Variants in NCOA2 observed in about 807,000 individuals in gnomAD.
NCOA2 encodes the protein nuclear receptor coactivator 2.
Under a neutral mutation model 145.1 loss-of-function variants are expected in NCOA2, and 21 were observed. The observed-to-expected ratio is 0.14, with a 90% CI of 0.10 to 0.21. NCOA2 has a LOEUF of 0.21. Among genes scored for constraint, NCOA2 ranks in the 10% least tolerant of loss-of-function variants. The probability of loss-of-function intolerance (pLI) is 1.00; values close to 1 mark genes in which losing one functional copy is unlikely to be tolerated. For synonymous variants in NCOA2, 619 were observed against 637.5 expected, an observed-to-expected ratio of 0.97 and a Z score of 0.44; for missense variants, 1,472 against 1,837.6, an observed-to-expected ratio of 0.80 and a Z score of 3.64.
At chr8:70,402,603 G>A (rs1814409082) in intron 1 of NCOA2, 1 of 151,308 alleles carries the variant, frequency 6.6e-6, no homozygotes, top group Non-Finnish European at 1.5e-5. Context: ...CACCCCCCAG[G>A]GGCCCGAGAG....
At chr8:70,199,337 G>C (rs1817656597) in intron 4 of NCOA2, among the ~76,000 whole-genome samples, 1 of 151,486 alleles carries the variant, frequency 6.6e-6, no homozygotes, top group Admixed American at 6.6e-5. Flanking sequence ...TGTAGTCCCA[G>C]CTACTCAGGA....
At chr8:70,401,033 G>A (rs770327079) in intron 1 of NCOA2, among the ~76,000 whole-genome samples, 1 of 152,158 alleles carries the variant, frequency 6.6e-6, no homozygotes. Flanking sequence ...AATTCCAGGT[G>A]AGAAAGGGAG....
rs1366921924 is a variant in NCOA2 at position 70,109,847 on chromosome 8, G to C, written c.*3785C>G. 5.5e-6 allele frequency: 1 copy of C among 180,498 alleles called. No homozygotes were observed. Among genetic ancestry groups the C allele is most frequent in the Non-Finnish European group, 1.2e-5 (1 of 84,434 alleles). 11.2% of individuals were successfully genotyped at this position (180,498 alleles called of 1,614,324 possible). ...ACAACAGAATTCTTTATTTACAATA[G>C]CATTATTTAACATCAAATAAGCAAA... On this transcript the variant is annotated 3_prime_UTR_variant, in exon 23 of 23. Transcript: ENST00000452400.
chr8:70,218,415 G>C (rs1453013227), intron 2 of NCOA2, among the ~76,000 whole-genome samples: 4 of 152,004 alleles, frequency 2.6e-5, no homozygotes, highest in African/African-American at 7.3e-5. Context: ...CTGATAATAA[G>C]TATAATCTGT....
intron 1 of NCOA2, among the ~76,000 whole-genome samples, chr8:70,395,760 G>A (rs559097461): frequency 2.0e-5 from 3 of 152,274 alleles, no homozygotes; most frequent in East Asian, 3.9e-4. Flanking sequence ...GGACTTCAAT[G>A]GGCAGAGATC....
chr8:70,129,686 T>C (rs539094729), intron 16 of NCOA2, among the ~76,000 whole-genome samples: 2 of 152,322 alleles, frequency 1.3e-5, no homozygotes, highest in African/African-American at 4.8e-5. Flanking sequence ...ACTTTTTTTT[T>C]TTGAGACGGA....
Position 70,166,738 on chromosome 8 carries a change from C to G in NCOA2, c.558G>C (p.Trp186Cys), listed in dbSNP as rs1813662053. The G allele has an allele frequency of 6.2e-7, 1 of 1,613,772 alleles. No homozygotes were observed. The highest frequency in any genetic ancestry group is 1.3e-5 in the African/African-American group (1 of 74,906). ...LPKSIVNGGS[W>C]SGEPPRRNSH... ...TGTTCCGCCTCGGAGGTTCGCCAGA[C>G]CAAGATCCCCCATTTACTGAGCAAG... Residue 186 changes from tryptophan (W) to cysteine (C), a missense_variant, in exon 7 of 23, where the codon TGG (tryptophan) becomes TGC (cysteine). Transcript: ENST00000452400.
chr8:70,390,568 AGCC>A (rs1813099546), intron 1 of NCOA2, among the ~76,000 whole-genome samples: 1 of 151,974 alleles, frequency 6.6e-6, no homozygotes, highest in African/African-American at 2.4e-5. Context: ...GTCCAAGACC[AGCC>A]TGGGCAACAT....
In NCOA2 at chr8:70,128,939, G is replaced by A; in HGVS notation, c.3366C>T (p.Ser1122=). The part of the protein sequence containing the change: ...VDPEQFSSQD[S]NIMLEQKAPV... ...GCGCCTTCTGCTCCAGCATGATGTT[G>A]GAATCCTGACTTGAGAACTGTTCTG... is the stretch of plus-strand genomic sequence containing the variant. The change falls in exon 17 of 23, where the codon TCC becomes TCT. Residue 1122 remains serine (S), a synonymous_variant. Coordinates refer to ENST00000452400, the MANE Select transcript of NCOA2 (RefSeq NM_006540.4). 1 of 1,609,850 alleles carries A rather than the reference G, an allele frequency of 6.2e-7. No individual in the cohort carries two copies. Among genetic ancestry groups the A allele is most frequent in the East Asian group, 2.2e-5 (1 of 44,762 alleles).
chr8:70,317,015 T>C (rs575064207), intron 1 of NCOA2, among the ~76,000 whole-genome samples: 2 of 152,266 alleles, frequency 1.3e-5, no homozygotes, highest in East Asian at 3.9e-4. Context: ...CTGGATAGTT[T>C]TGGCTTTTGA....
At chr8:70,227,652 G>A (rs1470676188) in intron 2 of NCOA2, among the ~76,000 whole-genome samples, 1 of 152,144 alleles carries the variant, frequency 6.6e-6, no homozygotes, top group Non-Finnish European at 1.5e-5. Flanking sequence ...CATTAATAAT[G>A]AAAATGGCAG....
chr8:70,180,489 G>A, intron 4 of NCOA2, among the ~76,000 whole-genome samples: 1 of 151,960 alleles, frequency 6.6e-6, no homozygotes, highest in East Asian at 1.9e-4. Context: ...CCACAAACTG[G>A]GGAAAAATCA....
At chr8:70,442,126 A>AGAAG in the NCOA2 span, among the ~76,000 whole-genome samples, 2 of 123,816 alleles carry the variant, frequency 1.6e-5, no homozygotes, top group African/African-American at 8.6e-5. Context: ...GAAGAAAGAA[A>AGAAG]GAAAGAAAGA....
chr8:70,265,254 C>T (rs1824472524), intron 2 of NCOA2, among the ~76,000 whole-genome samples: 1 of 152,050 alleles, frequency 6.6e-6, no homozygotes, highest in Non-Finnish European at 1.5e-5. Context: ...TCTTTCTCTC[C>T]CTGCCATGTG....
intron 2 of NCOA2, among the ~76,000 whole-genome samples, chr8:70,217,241 A>G (rs1035421163): frequency 4.6e-5 from 7 of 152,206 alleles, no homozygotes; most frequent in African/African-American, 7.2e-5. Context: ...AGGACACGAA[A>G]TTGAAGGTTT....
intron 9 of NCOA2, among the ~76,000 whole-genome samples, chr8:70,160,098 A>G (rs1203955188): frequency 6.7e-6 from 1 of 148,544 alleles, no homozygotes; most frequent in Non-Finnish European, 1.5e-5. Flanking sequence ...AATTTATGAC[A>G]TTTAATATGT....
chr8:70,421,821 G>A, the NCOA2 span, among the ~76,000 whole-genome samples: 21 of 151,704 alleles, frequency 1.4e-4, no homozygotes, highest in African/African-American at 4.4e-4. Flanking sequence ...TATGCCAGGC[G>A]CAGTGGCTCA....
At chr8:70,166,865 T>A in intron 6 of NCOA2, 111 bp from the exon 7 acceptor site, 2 of 950,912 alleles carry the variant, frequency 2.1e-6, no homozygotes, top group South Asian at 1.7e-5. Flanking sequence ...CTTTATGTAC[T>A]ACTTTTATAC....
chr8:70,247,972 G>T (rs553293273), intron 2 of NCOA2, among the ~76,000 whole-genome samples: 2 of 152,308 alleles, frequency 1.3e-5, no homozygotes, highest in South Asian at 4.1e-4. Context: ...TGGTAAAATT[G>T]CCTAACTCTC....
Sources: gnomAD v4.1 joint callset for allele counts (sites outside exome capture counted in the v4.1 genomes callset) on GRCh38, gnomAD v4.1.1 for gene constraint, MANE v1.5 for transcripts, NCBI Gene and HGNC (gene_info 2026-07-23, HGNC 2026-07-21) for gene names.